Variants in MBNL1 observed in about 807,000 individuals in gnomAD.
The protein encoded by MBNL1 is muscleblind like splicing regulator 1, also known as muscleblind-like protein 1.
MBNL1 carries 8 observed loss-of-function variants against 42.2 expected under a neutral mutation model. That is an observed-to-expected ratio of 0.19 (90% CI 0.11 to 0.34). The LOEUF is 0.34. Among genes scored for constraint, MBNL1 ranks in the 10% least tolerant of loss-of-function variants. The pLI is 1.00. For missense variants in MBNL1, 309 were observed against 495.3 expected (o/e 0.62, Z 3.57); for synonymous variants, 169 against 173.9 (o/e 0.97, Z 0.22).
At chr3:152,451,398 TTC>T (rs1722697308) in intron 6 of MBNL1, among the ~76,000 whole-genome samples, 1 of 152,160 alleles carries the variant, frequency 6.6e-6, no homozygotes, top group Non-Finnish European at 1.5e-5. Context: ...CCTCCTATCA[TTC>T]TGTTCTCCCC....
intron 2 of MBNL1, among the ~76,000 whole-genome samples, chr3:152,250,296 A>C (rs373039050): frequency 0.018 from 2,651 of 150,654 alleles, 82 homozygotes; most frequent in African/African-American, 0.061. Flanking sequence ...TTATTTCATT[A>C]AGCAGTGGTT....
chr3:152,435,051 C>A (rs190913826), intron 4 of MBNL1, among the ~76,000 whole-genome samples: 4 of 151,594 alleles, frequency 2.6e-5, no homozygotes, highest in Non-Finnish European at 4.4e-5. Context: ...AATTAGATAT[C>A]ATTTTTCCAT....
intron 2 of MBNL1, among the ~76,000 whole-genome samples, chr3:152,389,187 C>T (rs1482527731): frequency 7.2e-5 from 11 of 152,084 alleles, no homozygotes. Flanking sequence ...CTCCCAGGTT[C>T]AATCGATTCT....
intron 2 of MBNL1, among the ~76,000 whole-genome samples, chr3:152,316,483 T>C (rs2071543284): frequency 6.6e-6 from 1 of 152,186 alleles, no homozygotes; most frequent in Non-Finnish European, 1.5e-5. Flanking sequence ...TCAGGTACTT[T>C]TCCAAGCGTC....
chr3:152,292,434 G>A (rs1257274247), intron 1 of MBNL1, among the ~76,000 whole-genome samples: 1 of 152,180 alleles, frequency 6.6e-6, no homozygotes, highest in Non-Finnish European at 1.5e-5. Context: ...TCCTACAGTA[G>A]ACCACTAGGT....
chr3:152,328,453 T>C (rs940613144), intron 2 of MBNL1, among the ~76,000 whole-genome samples: 1 of 152,164 alleles, frequency 6.6e-6, no homozygotes, highest in Non-Finnish European at 1.5e-5. Flanking sequence ...AGATGTTTTC[T>C]CTAAAGCAGA....
chr3:152,403,104 G>A (rs1304141351), intron 2 of MBNL1, among the ~76,000 whole-genome samples: 2 of 152,016 alleles, frequency 1.3e-5, no homozygotes, highest in Non-Finnish European at 2.9e-5. Flanking sequence ...AGCAGATCCA[G>A]GCTTTCAGCC....
chr3:152,317,739 C>T (rs2073018681), intron 2 of MBNL1, among the ~76,000 whole-genome samples: 2 of 152,212 alleles, frequency 1.3e-5, no homozygotes, highest in South Asian at 4.1e-4. Context: ...AATCTGTAAA[C>T]CCACAAACAA....
chr3:152,264,174 TC>T (rs1291287586), upstream of MBNL1: 13 of 152,342 alleles, frequency 8.5e-5, 1 homozygote, highest in East Asian at 1.5e-3. Context: ...GTTGCTTGTC[TC>T]CCCCTAGTAG....
chr3:152,260,158 G>A (rs2036017424), intron 2 of MBNL1, among the ~76,000 whole-genome samples: 1 of 152,162 alleles, frequency 6.6e-6, no homozygotes, highest in Admixed American at 6.5e-5. Flanking sequence ...TGAAAATGCA[G>A]CAGTAACTGG....
chr3:152,353,331 TG>T (rs2095246836), intron 2 of MBNL1, among the ~76,000 whole-genome samples: 1 of 152,208 alleles, frequency 6.6e-6, no homozygotes, highest in Non-Finnish European at 1.5e-5. Flanking sequence ...TAATCTCTTC[TG>T]GGAAATCAAA....
intron 1 of MBNL1, among the ~76,000 whole-genome samples, chr3:152,281,536 GCTCAGTATTAGTTCTA>G (rs1416268806): frequency 6.6e-6 from 1 of 152,056 alleles, no homozygotes; most frequent in Non-Finnish European, 1.5e-5. Flanking sequence ...TGTGTGGTTT[GCTCAGTATTAGTTCTA>G]CTCATACCTA....
At chr3:152,356,856 A>AGTGTGTGTGTGTGT (rs59868027) in intron 2 of MBNL1, among the ~76,000 whole-genome samples, 3,258 of 149,448 alleles carry the variant, frequency 0.022, 34 homozygotes, top group African/African-American at 0.027. Context: ...ATATGTGTGT[A>AGTGTGTGTGTGTGT]GTGTGTGTGT....
chr3:152,253,409 A>G (rs1379063088), intron 2 of MBNL1, among the ~76,000 whole-genome samples: 2 of 152,142 alleles, frequency 1.3e-5, no homozygotes, highest in African/African-American at 2.4e-5. Context: ...AGTGTAAGAC[A>G]CTGTCATCTC....
intron 2 of MBNL1, among the ~76,000 whole-genome samples, chr3:152,373,604 A>AC (rs1266326925): frequency 2.7e-5 from 4 of 150,744 alleles, no homozygotes; most frequent in African/African-American, 4.9e-5. Flanking sequence ...GAGGTGATGC[A>AC]CCCCCCCTGC....
chr3:152,393,162 G>A (rs191532260), intron 2 of MBNL1, among the ~76,000 whole-genome samples: 225 of 152,166 alleles, frequency 1.5e-3, no homozygotes, highest in African/African-American at 4.7e-3. Flanking sequence ...ATTCCTCCCT[G>A]AAATCCCTTT....
chr3:152,396,132 C>A (rs752867677), intron 2 of MBNL1: 128 of 319,512 alleles, frequency 4.0e-4, no homozygotes, highest in Middle Eastern at 1.1e-3. Flanking sequence ...GAATCTAATG[C>A]CTGATGATCA....
chr3:152,356,048 T>C (rs1457983985), intron 2 of MBNL1, among the ~76,000 whole-genome samples: 1 of 152,196 alleles, frequency 6.6e-6, no homozygotes, highest in Non-Finnish European at 1.5e-5. Context: ...CATTTCCCAC[T>C]CTTTGTTTCT....
chr3:152,359,451 G>C (rs979482779), intron 2 of MBNL1, among the ~76,000 whole-genome samples: 1 of 152,184 alleles, frequency 6.6e-6, no homozygotes, highest in Non-Finnish European at 1.5e-5. Context: ...TGCTCTTATG[G>C]GGGTGGGGAA....
Sources: allele counts gnomAD v4.1 joint callset (sites outside exome capture counted in the v4.1 genomes callset), GRCh38; gene constraint gnomAD v4.1.1; transcripts MANE v1.5; gene names NCBI Gene and HGNC (gene_info 2026-07-23, HGNC 2026-07-21).